The following MYO1E variants were observed in gnomAD, a reference collection of about 807,000 sequenced individuals.
The protein encoded by MYO1E is myosin IE.
In MYO1E, 68 loss-of-function variants were observed where a neutral mutation model predicts 151.1. The observed-to-expected ratio is 0.45, with a 90% confidence interval of 0.37 to 0.55. The LOEUF is 0.55. Among genes scored for constraint, MYO1E ranks in the 20% least tolerant of loss-of-function variants. The probability of loss-of-function intolerance (pLI) is 0.00; values close to 1 mark genes in which losing one functional copy is unlikely to be tolerated. For synonymous variants in MYO1E, 601 were observed against 501.7 expected (o/e 1.20, Z -2.64); for missense variants, 1,363 against 1,389.3 (o/e 0.98, Z 0.30).
chr15:59,195,046 A>G (rs1566975591), intron 17 of MYO1E, among the ~76,000 whole-genome samples: 1 of 152,184 alleles, frequency 6.6e-6, no homozygotes. Context: ...TATTTCCATC[A>G]GCTCTTACGC....
chr15:59,194,283 G>C (rs1286027957), intron 17 of MYO1E, among the ~76,000 whole-genome samples: 1 of 152,222 alleles, frequency 6.6e-6, no homozygotes, highest in Non-Finnish European at 1.5e-5. Context: ...GGCTTCTTCA[G>C]AGGAGAGAAC....
At chr15:59,160,547 C>G (rs551566034) in intron 24 of MYO1E, among the ~76,000 whole-genome samples, 5 of 151,288 alleles carry the variant, frequency 3.3e-5, no homozygotes, top group African/African-American at 1.2e-4. Flanking sequence ...GTGGCTGGGA[C>G]TACAGGCATG....
chr15:59,169,869 G>A (rs1256733701), intron 22 of MYO1E, among the ~76,000 whole-genome samples: 1 of 152,142 alleles, frequency 6.6e-6, no homozygotes, highest in Non-Finnish European at 1.5e-5. Context: ...TGATACAAGT[G>A]TAGCTCAAGG....
Position 59,299,844 on chromosome 15 carries a change from G to T in MYO1E, c.4-27395C>A, listed in dbSNP as rs2080471609. Among the ~76,000 whole-genome samples the T allele has an allele frequency of 2.0e-5, 3 of 152,114 alleles. No homozygotes were observed. The South Asian group carries it at 6.2e-4, about 31-fold the overall frequency. ...ATAATTAGCTCTAATCATCATTTAT[G>T]CCATTTAAATTAAGTTGATTAGATT... is the stretch of plus-strand genomic sequence containing the variant. On this transcript the variant is annotated intron_variant, in intron 1 of 27. Transcript: ENST00000288235.
chr15:59,154,794 G>C (rs1422268136), intron 25 of MYO1E, among the ~76,000 whole-genome samples: 1 of 152,150 alleles, frequency 6.6e-6, no homozygotes, highest in Non-Finnish European at 1.5e-5. Flanking sequence ...TTCCAGCTCC[G>C]ACAAGCATTT....
intron 1 of MYO1E, among the ~76,000 whole-genome samples, chr15:59,324,157 C>A (rs924563083): frequency 6.6e-6 from 1 of 152,114 alleles, no homozygotes; most frequent in African/African-American, 2.4e-5. Flanking sequence ...TACATATATC[C>A]GTGTGGGCAG....
intron 9 of MYO1E, among the ~76,000 whole-genome samples, chr15:59,221,111 G>C (rs934550064): frequency 1.3e-5 from 2 of 148,956 alleles, no homozygotes; most frequent in African/African-American, 2.5e-5. Context: ...GGGTTCAAAC[G>C]ATTCTCCTGC....
intron 1 of MYO1E, among the ~76,000 whole-genome samples, chr15:59,303,589 T>G (rs72746874): frequency 0.11 from 16,540 of 152,090 alleles, 1,248 homozygotes; most frequent in East Asian, 0.39. Flanking sequence ...AATAGATACA[T>G]AAAATGCAAA....
chr15:59,225,928 G>T (rs1196539030), intron 7 of MYO1E, among the ~76,000 whole-genome samples: 1 of 152,126 alleles, frequency 6.6e-6, no homozygotes, highest in East Asian at 1.9e-4. Context: ...TTACAGGCGT[G>T]AGCCACCGCA....
chr15:59,165,264 C>T (rs1177017212), intron 22 of MYO1E, among the ~76,000 whole-genome samples: 2 of 151,992 alleles, frequency 1.3e-5, no homozygotes, highest in Non-Finnish European at 2.9e-5. Context: ...GGGGGTGGGG[C>T]GGGGCGGTGA....
At position 59,372,711 on chromosome 15, in the gene MYO1E, C is replaced by G; in HGVS notation, c.-211G>C. On this transcript the variant is annotated 5_prime_UTR_variant, in exon 1 of 28. Coordinates refer to ENST00000288235, the MANE Select transcript of MYO1E (RefSeq NM_004998.4). Reference sequence around the variant, plus strand: ...CTAGGTGAGGGCGAGACGGCGGCGACTTAGCAGGCGGGGCGCATGCTGCGG... The same window carrying G: ...CTAGGTGAGGGCGAGACGGCGGCGAGTTAGCAGGCGGGGCGCATGCTGCGG... 1 of 601,312 alleles carries G rather than the reference C, an allele frequency of 1.7e-6. No homozygotes were observed. 37.2% of individuals were successfully genotyped at this position (601,312 alleles called of 1,614,324 possible).
At chr15:59,306,061 A>T (rs896068699) in intron 1 of MYO1E, among the ~76,000 whole-genome samples, 1 of 152,226 alleles carries the variant, frequency 6.6e-6, no homozygotes, top group Non-Finnish European at 1.5e-5. Flanking sequence ...TCGTAATTAC[A>T]GCTGCATATT....
intron 1 of MYO1E, among the ~76,000 whole-genome samples, chr15:59,326,777 A>G (rs1342576627): frequency 6.6e-6 from 1 of 152,218 alleles, no homozygotes; most frequent in Non-Finnish European, 1.5e-5. Context: ...AAGATGATGT[A>G]TTCCTACATA....
At chr15:59,211,461 A>G (rs2079878776) in intron 12 of MYO1E, among the ~76,000 whole-genome samples, 1 of 151,826 alleles carries the variant, frequency 6.6e-6, no homozygotes, top group South Asian at 2.1e-4. Context: ...TCTCTAGGTG[A>G]TTTCAATCAA....
chr15:59,319,741 T>G (rs1186939794), intron 1 of MYO1E, among the ~76,000 whole-genome samples: 1 of 151,220 alleles, frequency 6.6e-6, no homozygotes, highest in Admixed American at 6.6e-5. Context: ...CTATCTCTAC[T>G]AAAAATAAAA....
Position 59,209,828 on chromosome 15 carries a change from T to C in MYO1E, c.1362+686A>G, listed in dbSNP as rs1387655183. 4.0e-4 allele frequency among the ~76,000 whole-genome samples: 42 copies of C among 103,764 alleles called. No individual in the cohort carries two copies. The South Asian group carries it at 6.9e-3, about 17-fold the overall frequency. The allele number at this position is 103,764 out of a possible 152,430, so 68.1% of individuals were successfully genotyped here. A position where few individuals can be genotyped will look rare whatever the true frequency, so the allele number is the denominator to read the frequency against. The stretch of plus-strand genomic sequence containing the variant: ...ATTTTGAATCACCTTTTTTTTTTTT[T>C]TTTTTTTTTTTTTTTTTTTGAGACA... On this transcript the variant is annotated intron_variant, in intron 13 of 27. Coordinates refer to ENST00000288235, the MANE Select transcript of MYO1E (RefSeq NM_004998.4).
At chr15:59,173,218 A>G (rs1202697301) in intron 21 of MYO1E, among the ~76,000 whole-genome samples, 1 of 152,242 alleles carries the variant, frequency 6.6e-6, no homozygotes, top group South Asian at 2.1e-4. Context: ...TTTCACTCCT[A>G]TCAATTTCTT....
intron 23 of MYO1E, 139 bp downstream of exon 23, chr15:59,163,018 C>T (rs547609714): frequency 4.4e-6 from 4 of 917,512 alleles, no homozygotes; most frequent in Non-Finnish European, 6.8e-6. Flanking sequence ...CTTCTGCAGG[C>T]TCTAAGGTTC....
At chr15:59,273,711 G>C (rs1171807989) in intron 1 of MYO1E, among the ~76,000 whole-genome samples, 1 of 151,688 alleles carries the variant, frequency 6.6e-6, no homozygotes, top group African/African-American at 2.4e-5. Flanking sequence ...ACACTTATCA[G>C]CAAAAAAGCT....
Sources: allele counts gnomAD v4.1 joint callset (sites outside exome capture counted in the v4.1 genomes callset), GRCh38; gene constraint gnomAD v4.1.1; transcripts MANE v1.5; gene names NCBI Gene and HGNC (gene_info 2026-07-23, HGNC 2026-07-21).